The following STK24 variants were observed in gnomAD, a reference collection of about 807,000 sequenced individuals.
The protein encoded by STK24 is serine/threonine kinase 24.
In STK24, 21 loss-of-function variants were observed where a neutral mutation model predicts 55.6. The ratio of observed to expected loss-of-function variants is 0.38; its 90% CI spans 0.27 to 0.54. The LOEUF is 0.54. STK24 is among the 20% of genes least tolerant of loss of function. STK24 has a pLI of 0.79. For synonymous variants in STK24, 200 were observed against 215.2 expected, an observed-to-expected ratio of 0.93 and a Z score of 0.62; for missense variants, 383 against 538.4, an observed-to-expected ratio of 0.71 and a Z score of 2.86.
intron 5 of STK24, among the ~76,000 whole-genome samples, chr13:98,474,100 C>G (rs1894270074): frequency 6.6e-6 from 1 of 152,178 alleles, no homozygotes; most frequent in South Asian, 2.1e-4. Flanking sequence ...GAAGTTAAAC[C>G]AGAGCCCTAG....
chr13:98,494,954 C>G (rs1895190422), intron 2 of STK24, among the ~76,000 whole-genome samples: 1 of 152,200 alleles, frequency 6.6e-6, no homozygotes, highest in African/African-American at 2.4e-5. Context: ...GGAACCACCA[C>G]CAACGCCTCG....
intron 2 of STK24, among the ~76,000 whole-genome samples, chr13:98,486,045 G>A (rs1352594916): frequency 6.6e-6 from 1 of 152,116 alleles, no homozygotes; most frequent in African/African-American, 2.4e-5. Context: ...ATCACACACT[G>A]GGGCCTGTCG....
intron 7 of STK24, 37 bp from the exon 8 acceptor site, chr13:98,461,934 G>A (rs371226784): frequency 3.0e-5 from 49 of 1,608,604 alleles, no homozygotes; most frequent in Non-Finnish European, 3.7e-5. Flanking sequence ...ATCAGTGCTC[G>A]CACACCTGCT....
chr13:98,462,716 C>A (rs1893760983), intron 7 of STK24, among the ~76,000 whole-genome samples: 1 of 152,164 alleles, frequency 6.6e-6, no homozygotes, highest in Non-Finnish European at 1.5e-5. Context: ...CTGAACTCCA[C>A]ACCTCGGTGC....
chr13:98,509,825 C>T (rs1895820293), intron 2 of STK24, among the ~76,000 whole-genome samples: 1 of 147,324 alleles, frequency 6.8e-6, no homozygotes, highest in Admixed American at 6.8e-5. Flanking sequence ...ATGTATACTG[C>T]CAGTTGTGCA....
At chr13:98,524,531 C>T (rs1896366973) in intron 1 of STK24, among the ~76,000 whole-genome samples, 1 of 152,214 alleles carries the variant, frequency 6.6e-6, no homozygotes, top group African/African-American at 2.4e-5. Context: ...GCCCCAGACA[C>T]TCTCCAGCTG....
chr13:98,467,916 A>T (rs1893982406), intron 5 of STK24, among the ~76,000 whole-genome samples: 2 of 152,230 alleles, frequency 1.3e-5, no homozygotes, highest in African/African-American at 2.4e-5. Context: ...CGAAAGACGA[A>T]TGGGGACTGG....
intron 2 of STK24, among the ~76,000 whole-genome samples, chr13:98,494,330 C>T (rs12875891): frequency 6.3e-5 from 9 of 143,798 alleles, no homozygotes; most frequent in South Asian, 2.2e-4. Flanking sequence ...AGGAGAATGG[C>T]GTGGACCCGG....
chr13:98,482,025 C>T (rs1043162846), intron 3 of STK24, among the ~76,000 whole-genome samples: 3 of 151,154 alleles, frequency 2.0e-5, no homozygotes, highest in African/African-American at 7.3e-5. Context: ...TGAGATTGCG[C>T]CACTGCACTT....
intron 1 of STK24, among the ~76,000 whole-genome samples, chr13:98,551,384 T>G (rs1400145009): frequency 6.6e-6 from 1 of 151,978 alleles, no homozygotes; most frequent in Non-Finnish European, 1.5e-5. Flanking sequence ...CCACCAAGCC[T>G]TCTTCAAGGC....
chr13:98,572,219 C>G (rs576191877), intron 1 of STK24, among the ~76,000 whole-genome samples: 2 of 152,134 alleles, frequency 1.3e-5, no homozygotes, highest in African/African-American at 2.4e-5. Flanking sequence ...CTGCCTCCAA[C>G]GACTCCGGGC....
intron 1 of STK24, among the ~76,000 whole-genome samples, chr13:98,559,615 G>A (rs187166461): frequency 5.9e-5 from 9 of 152,162 alleles, no homozygotes; most frequent in African/African-American, 1.2e-4. Flanking sequence ...CTACACTTAC[G>A]TACCATTTTT....
intron 1 of STK24, among the ~76,000 whole-genome samples, chr13:98,546,057 T>C (rs531278954): frequency 9.8e-5 from 15 of 152,356 alleles, no homozygotes; most frequent in African/African-American, 3.6e-4. Context: ...GTTTCACTGA[T>C]GAAGGCTAAG....
rs144050453 is a variant in STK24, at chr13:98,574,726, G to A, written c.42+2019C>T. 1.9e-3 allele frequency among the ~76,000 whole-genome samples: 292 copies of A among 152,110 alleles called. 1 individual carries two copies. Among genetic ancestry groups the A allele is most frequent in the African/African-American group, 6.5e-3 (269 of 41,470 alleles). On this transcript the variant is annotated intron_variant, in intron 1 of 10. Transcript: ENST00000539966. ...AGAAACACTTAAGATCTTTCATACT[G>A]AGAAAACAAAATAAAAACAGTTCCC...
rs116361840 is a variant in STK24 at position 98,469,959 on chromosome 13, T to C, written c.598-3398A>G. On this transcript the variant is annotated intron_variant, in intron 5 of 10. Coordinates refer to ENST00000539966, the MANE Select transcript of STK24 (RefSeq NM_001032296.4). ...TCTACTACATTTTAAATTTGGAAAA[T>C]GGTATGGGCTGCCCAAAATATTCAA... Among the ~76,000 whole-genome samples, 266 of 152,300 alleles carry C rather than the reference T, an allele frequency of 1.7e-3. 1 individual carries two copies. Among genetic ancestry groups the C allele is most frequent in the African/African-American group, 5.9e-3 (244 of 41,562 alleles).
At chr13:98,503,772 A>G (rs1307717043) in intron 2 of STK24, among the ~76,000 whole-genome samples, 3 of 152,246 alleles carry the variant, frequency 2.0e-5, no homozygotes, top group Non-Finnish European at 4.4e-5. Context: ...AAAGGTTAAC[A>G]TTGAAGATTT....
chr13:98,547,953 T>C (rs1683980095), intron 1 of STK24, among the ~76,000 whole-genome samples: 1 of 152,188 alleles, frequency 6.6e-6, no homozygotes, highest in African/African-American at 2.4e-5. Context: ...TGAGGCTATT[T>C]ATGCAGCTGG....
chr13:98,460,499 T>C lies in STK24; in HGVS notation c.1054-59A>G, dbSNP rs1893658191. The C allele has an allele frequency of 2.4e-5, 35 of 1,443,158 alleles. No homozygotes were observed. In the South Asian group the frequency reaches 3.4e-4, roughly 14 times the overall value. The allele number at this position is 1,443,158 out of a possible 1,614,324, so 89.4% of individuals were successfully genotyped here. A position where few individuals can be genotyped will look rare whatever the true frequency, so the allele number is the denominator to read the frequency against. On this transcript the variant is annotated intron_variant, in intron 8 of 10. Transcript: ENST00000539966. Reference sequence around the variant, plus strand: ...CAGTTGACGTTCACATTGGCAATAATTTAATAAACCTCCCACCTGGACTAT... The same window carrying C: ...CAGTTGACGTTCACATTGGCAATAACTTAATAAACCTCCCACCTGGACTAT...
At chr13:98,498,025 T>C (rs1258663528) in intron 2 of STK24, among the ~76,000 whole-genome samples, 1 of 152,234 alleles carries the variant, frequency 6.6e-6, no homozygotes, top group Non-Finnish European at 1.5e-5. Flanking sequence ...CAAAGTCTTA[T>C]GGATGCATTT....
Sources: allele counts gnomAD v4.1 joint callset (sites outside exome capture counted in the v4.1 genomes callset), GRCh38; gene constraint gnomAD v4.1.1; transcripts MANE v1.5; gene names NCBI Gene and HGNC (gene_info 2026-07-23, HGNC 2026-07-21).